Variants in CACNG7 observed in about 807,000 individuals in gnomAD.
CACNG7 encodes voltage-dependent calcium channel gamma-7 subunit.
In CACNG7, 9 loss-of-function variants were observed where a neutral mutation model predicts 26.3. The ratio of observed to expected loss-of-function variants is 0.34; its 90% CI spans 0.21 to 0.60. CACNG7 has a LOEUF of 0.60. CACNG7 is among the 20% of genes least tolerant of loss of function. CACNG7 has a pLI of 0.81. For synonymous variants in CACNG7, 170 were observed against 157.0 expected, an observed-to-expected ratio of 1.08 and a Z score of -0.62; for missense variants, 297 against 380.4, an observed-to-expected ratio of 0.78 and a Z score of 1.82.
At chr19:53,925,305 A>T (rs1022444764) in intron 4 of CACNG7, among the ~76,000 whole-genome samples, 2 of 119,338 alleles carry the variant, frequency 1.7e-5, no homozygotes. Flanking sequence ...AGGTCTGGTC[A>T]TTGGTGGAGT....
Position 53,915,373 on chromosome 19 carries a change from C to A in CACNG7, c.292C>A (p.Arg98Ser). ...ENTENILKTV[R>S]TATPFPMVSL... ...CCCCATCCCCTCCCCAGAGACAGTG[C>A]GCACGGCCACCCCCTTCCCCATGGT... Residue 98 changes from arginine to serine, a missense_variant, in exon 4 of 6, where the codon CGC becomes AGC. Arg to Ser is a moderately radical substitution (Grantham distance 110). Coordinates refer to ENST00000391767, the MANE Select transcript of CACNG7 (RefSeq NM_031896.5). 6.2e-7 allele frequency: 1 copy of A among 1,613,298 alleles called. No homozygotes were observed. Among genetic ancestry groups the A allele is most frequent in the Admixed American group, 1.7e-5 (1 of 60,000 alleles).
chr19:53,911,200 G>C (rs927742296), intron 1 of CACNG7, among the ~76,000 whole-genome samples: 1 of 151,904 alleles, frequency 6.6e-6, no homozygotes, highest in Admixed American at 6.6e-5. Context: ...TGAGTATCTG[G>C]GATTATAGGT....
In CACNG7 at chr19:53,909,670, A is replaced by AG. The variant is rs1180315794; in HGVS notation, c.-30+156dup. Among the ~76,000 whole-genome samples the AG allele has an allele frequency of 2.0e-5, 3 of 152,244 alleles. No homozygotes were observed. The highest frequency in any genetic ancestry group is 6.5e-5 in the Admixed American group (1 of 15,300). On this transcript the variant is annotated intron_variant, in intron 1 of 5. Transcript: ENST00000391767. The surrounding 1 kb of genome is among the most constrained non-coding windows in gnomAD (Gnocchi z 5.1). ...GAATTCGAGCGGCTATGGGGGATGC[A>AG]GGGACACCTGGGCCTGGCGATCCCG...
rs547629574 is a variant in CACNG7 at position 53,942,013 on chromosome 19, A to G, written c.571-23A>G. 6.4e-6 allele frequency: 10 copies of G among 1,565,138 alleles called. No individual in the cohort carries two copies. In the African/African-American group the frequency reaches 1.2e-4, roughly 19 times the overall value. ...GGATGCGCAGGGGGGCGCCCCTGGG[A>G]CTCTGACCTTGCCTTGCCGCAGGGG... is the stretch of plus-strand genomic sequence containing the variant. On this transcript the variant is annotated intron_variant, in intron 5 of 5. Coordinates refer to ENST00000391767, the MANE Select transcript of CACNG7 (RefSeq NM_031896.5). The surrounding 1 kb of genome is among the most constrained non-coding windows in gnomAD (Gnocchi z 5.9).
intron 2 of CACNG7, 35 bp downstream of exon 2, chr19:53,913,062 C>A: frequency 1.9e-6 from 3 of 1,577,454 alleles, no homozygotes; most frequent in Non-Finnish European, 2.6e-6. Context: ...TCAACAGTTT[C>A]TGCCTTGCCT....
chr19:53,912,808 G>A lies in CACNG7; in HGVS notation c.-24G>A, dbSNP rs112884264. On this transcript the variant is annotated 5_prime_UTR_variant, in exon 2 of 6. Transcript: ENST00000391767. The surrounding 1 kb of genome is among the most constrained non-coding windows in gnomAD (Gnocchi z 4.6). Reference sequence around the variant, plus strand: ...CTGTAGCTTCCCTTCCACAGGCCCCGCAGGGCGCCCCCTGCCTCTGAGGAT... The same window carrying A: ...CTGTAGCTTCCCTTCCACAGGCCCCACAGGGCGCCCCCTGCCTCTGAGGAT... 1.6e-5 allele frequency: 25 copies of A among 1,608,608 alleles called. No individual in the cohort carries two copies. The African/African-American group carries it at 2.5e-4, about 16-fold the overall frequency.
intron 4 of CACNG7, among the ~76,000 whole-genome samples, chr19:53,927,442 G>C (rs1474335095): frequency 1.3e-5 from 2 of 152,166 alleles, no homozygotes; most frequent in Non-Finnish European, 2.9e-5. Context: ...AAAGGTGACA[G>C]CTAAGTTGAT....
intron 4 of CACNG7, among the ~76,000 whole-genome samples, chr19:53,932,277 T>TA (rs1211643757): frequency 2.7e-5 from 4 of 148,184 alleles, no homozygotes; most frequent in African/African-American, 9.9e-5. Flanking sequence ...AAAAAAGAAT[T>TA]AAAAAATAAA....
At position 53,917,916 on chromosome 19, in the gene CACNG7, G is replaced by C. The variant is rs140094085; in HGVS notation, c.424+2411G>C. Among the ~76,000 whole-genome samples the C allele has an allele frequency of 7.2e-5, 11 of 152,320 alleles. No individual in the cohort carries two copies. In the East Asian group the frequency reaches 1.2e-3, roughly 16 times the overall value. ...CATGCTTATACCACCCACTGCACCA[G>C]GAACTGACTGCCCAAGGTCATGCTG... On this transcript the variant is annotated intron_variant, in intron 4 of 5. Coordinates refer to ENST00000391767, the MANE Select transcript of CACNG7 (RefSeq NM_031896.5).
intron 4 of CACNG7, among the ~76,000 whole-genome samples, chr19:53,919,886 T>C (rs2068927077): frequency 7.6e-6 from 1 of 131,268 alleles, no homozygotes; most frequent in Non-Finnish European, 1.6e-5. Context: ...AGGCTGGTCA[T>C]TGGTGGACTT....
Position 53,909,467 on chromosome 19 carries a change from C to A in CACNG7, c.-80C>A. 4 of 151,320 alleles carry A rather than the reference C, an allele frequency of 2.6e-5. No homozygotes were observed. The South Asian group carries it at 7.2e-4, about 27-fold the overall frequency. The allele number at this position is 151,320 out of a possible 1,614,324, so 9.4% of individuals were successfully genotyped here. ...GGCCGGGGGAAGCCTCGGGGCCGGT[C>A]ATGCGGCTGCGGGGCCCGCGGCCCG... On this transcript the variant is annotated 5_prime_UTR_variant, in exon 1 of 6. Coordinates refer to ENST00000391767, the MANE Select transcript of CACNG7 (RefSeq NM_031896.5). This position sits in a 1 kb window ranked among gnomAD's most constrained non-coding sequence, Gnocchi z 5.1.
intron 4 of CACNG7, among the ~76,000 whole-genome samples, chr19:53,937,314 A>G (rs539003825): frequency 5.0e-4 from 76 of 152,280 alleles, no homozygotes; most frequent in Non-Finnish European, 9.0e-4. Context: ...TAAAGGACAG[A>G]TCCGTGTGTG....
At chr19:53,920,457 GT>G (rs1394770962) in intron 4 of CACNG7, among the ~76,000 whole-genome samples, 6 of 51,986 alleles carry the variant, frequency 1.2e-4, no homozygotes, top group East Asian at 4.2e-4. Context: ...TGGTGGAGTC[GT>G]CCCCAGGTCT....
Position 53,911,994 on chromosome 19 carries a change from G to C in CACNG7, c.-29-809G>C, listed in dbSNP as rs1043316870. Among the ~76,000 whole-genome samples the C allele has an allele frequency of 2.6e-5, 4 of 152,204 alleles. No individual in the cohort carries two copies. In the East Asian group the frequency reaches 7.7e-4, roughly 29 times the overall value. ...GTATGGGGTTAGAGATCCTTGGTTA[G>C]TGACCCACTTTGGGAATTTCTGGAT... On this transcript the variant is annotated intron_variant, in intron 1 of 5. Coordinates refer to ENST00000391767, the MANE Select transcript of CACNG7 (RefSeq NM_031896.5).
intron 4 of CACNG7, among the ~76,000 whole-genome samples, chr19:53,937,732 G>A (rs890644424): frequency 1.1e-4 from 17 of 151,932 alleles, no homozygotes; most frequent in Admixed American, 2.0e-4. Flanking sequence ...CTGGGGTTAC[G>A]AGTGTGTGCC....
At chr19:53,910,312 A>C (rs959733648) in intron 1 of CACNG7, among the ~76,000 whole-genome samples, 1 of 139,044 alleles carries the variant, frequency 7.2e-6, no homozygotes, top group African/African-American at 2.7e-5. Context: ...TGGGAGGAAA[A>C]GCTGGCCAGA....
chr19:53,916,217 A>G (rs1236635087), intron 4 of CACNG7, among the ~76,000 whole-genome samples: 1 of 152,134 alleles, frequency 6.6e-6, no homozygotes, highest in Non-Finnish European at 1.5e-5. Context: ...CTAGAGTTCA[A>G]TATTTGTTTA....
At chr19:53,935,034 C>T (rs1021292901) in intron 4 of CACNG7, among the ~76,000 whole-genome samples, 7 of 151,848 alleles carry the variant, frequency 4.6e-5, no homozygotes, top group South Asian at 2.1e-4. Flanking sequence ...TATATGTATA[C>T]ACATATTACA....
chr19:53,929,604 C>G, intron 4 of CACNG7, among the ~76,000 whole-genome samples: 1 of 151,944 alleles, frequency 6.6e-6, no homozygotes, highest in Non-Finnish European at 1.5e-5. Flanking sequence ...TTACAGGCGC[C>G]CGCCACCATG....
Sources: allele counts gnomAD v4.1 joint callset (sites outside exome capture counted in the v4.1 genomes callset), GRCh38; gene constraint gnomAD v4.1.1; non-coding constraint Gnocchi (gnomAD v3.1); transcripts MANE v1.5; gene names NCBI Gene and HGNC (gene_info 2026-07-23, HGNC 2026-07-21).